The following CDCA7 variants were observed in gnomAD, a reference collection of about 807,000 sequenced individuals.
CDCA7 encodes the protein cell division cycle associated 7, also known as cell division cycle-associated protein 7.
In CDCA7, 28 loss-of-function variants were observed where a neutral mutation model predicts 54.0. That is an observed-to-expected ratio of 0.52 (90% CI 0.38 to 0.71). The LOEUF (loss-of-function observed/expected upper bound fraction) is 0.71. Ranked by LOEUF, CDCA7 falls within the 30% of genes least tolerant of loss-of-function variation. The pLI, the probability that CDCA7 is intolerant of heterozygous loss-of-function variation, is 0.00. For missense variants in CDCA7, 484 were observed against 586.0 expected (o/e 0.83, Z 1.80); for synonymous variants, 180 against 208.2 (o/e 0.86, Z 1.16).
chr2:173,361,400 G>A (rs1161331806), intron 3 of CDCA7, among the ~76,000 whole-genome samples: 1 of 151,906 alleles, frequency 6.6e-6, no homozygotes, highest in East Asian at 1.9e-4. Flanking sequence ...CAGTGTGTGA[G>A]GGTTACAGTT....
In CDCA7 at chr2:173,367,851, T is replaced by G; in HGVS notation, c.*187T>G. On this transcript the variant is annotated 3_prime_UTR_variant, in exon 10 of 10. Coordinates refer to ENST00000306721, the MANE Select transcript of CDCA7 (RefSeq NM_031942.5). Reference sequence around the variant, plus strand: ...CAGAAGGTATATTGCTAGTTACACTTTGCCCTCCTGCAGTTTCTTCTCTGC... The same window carrying G: ...CAGAAGGTATATTGCTAGTTACACTGTGCCCTCCTGCAGTTTCTTCTCTGC... 5 of 651,944 alleles carry G rather than the reference T, an allele frequency of 7.7e-6. No homozygotes were observed. The South Asian group carries it at 9.8e-5, about 13-fold the overall frequency. The allele number at this position is 651,944 out of a possible 1,614,324, so 40.4% of individuals were successfully genotyped here.
At position 173,357,546 on chromosome 2, in the gene CDCA7, G is replaced by T. The variant is rs1257031417; in HGVS notation, c.22-1166G>T. ...TGATTGGAAAGGGGCCTGCTTGGAA[G>T]CCTGCCATCTTGAAGTAGAGGTCCT... On this transcript the variant is annotated intron_variant, in intron 1 of 9. Coordinates refer to ENST00000306721, the MANE Select transcript of CDCA7 (RefSeq NM_031942.5). Among the ~76,000 whole-genome samples, 3 of 152,212 alleles carry T rather than the reference G, an allele frequency of 2.0e-5. 1 individual carries two copies. Among genetic ancestry groups the T allele is most frequent in the Admixed American group, 2.0e-4 (3 of 15,280 alleles).
intron 1 of CDCA7, among the ~76,000 whole-genome samples, chr2:173,357,039 C>CA (rs1558946663): frequency 6.6e-6 from 1 of 152,178 alleles, no homozygotes; most frequent in Non-Finnish European, 1.5e-5. Flanking sequence ...TACATCTTAG[C>CA]ATATTTTGTA....
At position 173,363,830 on chromosome 2, in the gene CDCA7, A is replaced by G; in HGVS notation, c.634A>G (p.Met212Val). Residue 212 changes from methionine to valine, a missense_variant, in exon 5 of 10, where the codon ATG becomes GTG. Around this residue, in one of 3 missense-constraint regions of CDCA7, gnomAD observed 398 missense variants for 447.4 expected, o/e 0.89. Coordinates refer to ENST00000306721, the MANE Select transcript of CDCA7 (RefSeq NM_031942.5). ...KQNKAMLAKL[M>V]SELESFPGSF... ...CCTCCCTTTTTAGCTTGCAAAACTC[A>G]TGTCTGAATTAGAAAGCTTCCCTGG... 1 of 1,614,200 alleles carries G rather than the reference A, an allele frequency of 6.2e-7. No homozygotes were observed. The highest frequency in any genetic ancestry group is 8.5e-7 in the Non-Finnish European group (1 of 1,180,028).
intron 5 of CDCA7, 134 bp from the exon 6 acceptor site, chr2:173,364,661 G>T: frequency 7.5e-7 from 1 of 1,335,710 alleles, no homozygotes; most frequent in Non-Finnish European, 9.8e-7. Flanking sequence ...CATGCATTAT[G>T]CAAAGGACAA....
At chr2:173,360,740 G>A (rs1328581297) in intron 3 of CDCA7, among the ~76,000 whole-genome samples, 1 of 152,156 alleles carries the variant, frequency 6.6e-6, no homozygotes, top group Admixed American at 6.5e-5. Context: ...GCCTCCAAAA[G>A]TGCTGGGATT....
At chr2:173,356,801 C>T (rs1686515800) in intron 1 of CDCA7, among the ~76,000 whole-genome samples, 1 of 152,172 alleles carries the variant, frequency 6.6e-6, no homozygotes, top group South Asian at 2.1e-4. Context: ...CACCCCCCTA[C>T]ACATACACCT....
rs150220964 is a variant in CDCA7 at position 173,367,204 on chromosome 2, C to T, written c.1240C>T (p.Arg414Ter). 3 of 1,607,204 alleles carry T rather than the reference C, an allele frequency of 1.9e-6. No individual in the cohort carries two copies. Among genetic ancestry groups the T allele is most frequent in the Non-Finnish European group, 2.5e-6 (3 of 1,177,822 alleles). The change falls in exon 9 of 10, where the codon CGA (arginine) becomes TGA (stop). Residue 414 changes from arginine to a stop codon, truncating the protein, a stop_gained. Transcript: ENST00000306721. LOFTEE classifies it high-confidence loss of function. ...GICNCSFCRQ[R>*]DGRCATGVLV... is the part of the protein sequence containing the mutation. ...CTGCAACTGCAGTTTCTGCCGGCAG[C>T]GAGATGGACGGTGTGCGACTGGGGT...
chr2:173,363,919 T>A (rs745764428), intron 5 of CDCA7, 24 bp downstream of exon 5: 1 of 1,603,990 alleles, frequency 6.2e-7, no homozygotes, highest in African/African-American at 1.3e-5. Context: ...CTTGTTTATA[T>A]ACAGTAGTGT....
At chr2:173,355,214 G>A (rs1259477879) in intron 1 of CDCA7, among the ~76,000 whole-genome samples, 2 of 152,262 alleles carry the variant, frequency 1.3e-5, no homozygotes, top group Non-Finnish European at 2.9e-5. Flanking sequence ...GTGGAGACTT[G>A]AGTCGTTTGC....
chr2:173,355,034 C>T (rs1459002420), intron 1 of CDCA7, 50 bp downstream of exon 1: 6 of 1,305,504 alleles, frequency 4.6e-6, no homozygotes, highest in Non-Finnish European at 5.8e-6. Context: ...GGGTGCTGGA[C>T]GCAGGCGGGC....
chr2:173,360,448 C>A (rs1414043497), intron 3 of CDCA7, among the ~76,000 whole-genome samples: 1 of 152,110 alleles, frequency 6.6e-6, no homozygotes, highest in African/African-American at 2.4e-5. Context: ...TCTCTCAATC[C>A]ATGGACACTA....
rs527711633 is a variant in CDCA7 at position 173,358,195 on chromosome 2, G to A, written c.22-517G>A. 5.2e-3 allele frequency among the ~76,000 whole-genome samples: 613 copies of A among 118,332 alleles called. 3 individuals are homozygous for A. The highest frequency in any genetic ancestry group is 0.017 in the African/African-American group (581 of 33,344). 77.6% of individuals were successfully genotyped at this position (118,332 alleles called of 152,430 possible). On this transcript the variant is annotated intron_variant, in intron 1 of 9. Coordinates refer to ENST00000306721, the MANE Select transcript of CDCA7 (RefSeq NM_031942.5). ...AGCCTGGGCGACACAGCGAGACTCC[G>A]TCTCAAAAAAAAAAAAAAAAAGAAT...
chr2:173,360,707 G>C, intron 3 of CDCA7, among the ~76,000 whole-genome samples: 1 of 152,060 alleles, frequency 6.6e-6, no homozygotes, highest in East Asian at 1.9e-4. Flanking sequence ...GAACTCCTAG[G>C]CCCAAGCAAT....
Position 173,367,170 on chromosome 2 carries a change from T to A in CDCA7, c.1206T>A (p.Cys402Ter). The A allele has an allele frequency of 6.2e-7, 1 of 1,600,970 alleles. No individual in the cohort carries two copies. The highest frequency in any genetic ancestry group is 8.5e-7 in the Non-Finnish European group (1 of 1,174,710). The stretch of plus-strand genomic sequence containing the variant: ...TTCAGAACTGGCATTGCCCGCCTTG[T>A]CGAGGAATCTGCAACTGCAGTTTCT... The part of the protein sequence containing the change: ...LLDPNWHCPP[C>*]RGICNCSFCR... Residue 402 changes from cysteine to a stop codon, truncating the protein, a stop_gained, in exon 9 of 10, where the codon TGT (cysteine) becomes TGA (stop). Coordinates refer to ENST00000306721, the MANE Select transcript of CDCA7 (RefSeq NM_031942.5). LOFTEE classifies it high-confidence loss of function.
Position 173,359,286 on chromosome 2 carries a change from A to G in CDCA7, c.179A>G (p.Glu60Gly). The change falls in exon 3 of 10, where the codon GAA (glutamate) becomes GGA (glycine). Residue 60 changes from glutamate (E) to glycine (G), a missense_variant. By Grantham distance (98) the Glu-to-Gly change is moderately conservative. Coordinates refer to ENST00000306721, the MANE Select transcript of CDCA7 (RefSeq NM_031942.5). ...AAATTCAGGTCAGATATCAGTGAAG[A>G]ACTGGCAAATGTTTTTTATGAGGAC... is the stretch of plus-strand genomic sequence containing the variant. ...KPKFRSDISE[E>G]LANVFYEDSD... 6.2e-7 allele frequency: 1 copy of G among 1,614,162 alleles called. No individual in the cohort carries two copies. Among genetic ancestry groups the G allele is most frequent in the Non-Finnish European group, 8.5e-7 (1 of 1,179,992 alleles).
intron 8 of CDCA7, 35 bp from the exon 9 acceptor site, chr2:173,367,115 T>G: frequency 1.3e-6 from 2 of 1,545,212 alleles, no homozygotes; most frequent in Non-Finnish European, 1.7e-6. Flanking sequence ...AGGTAAGGTT[T>G]AACTTAATTG....
intron 1 of CDCA7, chr2:173,356,254 A>T (rs1214572269): frequency 6.6e-6 from 1 of 152,218 alleles, no homozygotes; most frequent in Non-Finnish European, 1.5e-5. Context: ...CCTGGTAAAT[A>T]ACTCTTGGCT....
chr2:173,354,996 G>A lies in CDCA7; in HGVS notation c.21+12G>A, dbSNP rs1686466647. The A allele has an allele frequency of 1.4e-6, 2 of 1,392,948 alleles. No homozygotes were observed. Among genetic ancestry groups the A allele is most frequent in the East Asian group, 6.1e-5 (2 of 32,874 alleles). The allele number at this position is 1,392,948 out of a possible 1,614,324, so 86.3% of individuals were successfully genotyped here. A position where few individuals can be genotyped will look rare whatever the true frequency, so the allele number is the denominator to read the frequency against. On this transcript the variant is annotated intron_variant, in intron 1 of 9. Transcript: ENST00000306721. ...CTCGCCGCGTGCCGGTGAGGGCTGGGCGGGCGAACCCGAGGGGCGGGCGCG... is the reference window on the plus strand; with the variant it reads ...CTCGCCGCGTGCCGGTGAGGGCTGGACGGGCGAACCCGAGGGGCGGGCGCG...
Sources: allele counts gnomAD v4.1 joint callset (sites outside exome capture counted in the v4.1 genomes callset), GRCh38; gene constraint gnomAD v4.1.1; regional missense constraint gnomAD v4.1.1; transcripts MANE v1.5; gene names NCBI Gene and HGNC (gene_info 2026-07-23, HGNC 2026-07-21).